Variants in ZEB2 observed in about 807,000 individuals in gnomAD.
The protein encoded by ZEB2 is zinc finger E-box binding homeobox 2.
Under a neutral mutation model 99.9 loss-of-function variants are expected in ZEB2, and 6 were observed. That is an observed-to-expected ratio of 0.06 (90% CI 0.03 to 0.12). The LOEUF is 0.12. ZEB2 is among the 10% of genes least tolerant of loss of function. The probability of loss-of-function intolerance (pLI) is 1.00; values close to 1 mark genes in which losing one functional copy is unlikely to be tolerated. For synonymous variants in ZEB2, 517 were observed against 542.5 expected (o/e 0.95, Z 0.65); for missense variants, 969 against 1,502.8 (o/e 0.64, Z 5.87).
chr2:144,501,763 A>G (rs1343789445), intron 2 of ZEB2, among the ~76,000 whole-genome samples: 1 of 152,222 alleles, frequency 6.6e-6, no homozygotes, highest in Non-Finnish European at 1.5e-5. Context: ...CTATTAATAT[A>G]TTAAAAGCTC....
intron 2 of ZEB2, among the ~76,000 whole-genome samples, chr2:144,490,252 A>G (rs1704657466): frequency 6.6e-6 from 1 of 152,238 alleles, no homozygotes; most frequent in African/African-American, 2.4e-5. Flanking sequence ...GCTAAGCCAC[A>G]GTTTCCTGAT....
intron 2 of ZEB2, among the ~76,000 whole-genome samples, chr2:144,491,459 AT>A (rs758897683): frequency 3.3e-5 from 5 of 152,080 alleles, no homozygotes; most frequent in Non-Finnish European, 7.3e-5. Context: ...GATTATAAAT[AT>A]ATCTTTTCTG....
chr2:144,404,110 C>A lies in ZEB2; in HGVS notation c.613G>T (p.Asp205Tyr), dbSNP rs1437854221. Residue 205 changes from aspartate to tyrosine, a missense_variant, in exon 6 of 10, where the codon GAT becomes TAT. Physicochemically the swap from Asp to Tyr is radical, Grantham distance 160. This residue lies in a region of ZEB2 where 65 missense variants were observed against 147.7 expected (regional missense o/e 0.44). Coordinates refer to ENST00000627532, the MANE Select transcript of ZEB2 (RefSeq NM_014795.4). Reference sequence around the variant, plus strand: ...CAGGTCAGCAGTTGGGCAAAAGCATCTGGAGTTCCAGGTGGCAGGTCTGTA... The same window carrying A: ...CAGGTCAGCAGTTGGGCAAAAGCATATGGAGTTCCAGGTGGCAGGTCTGTA... ...EENDLPPGTP[D>Y]AFAQLLTCPY... is the part of the protein sequence containing the mutation. 1 of 1,613,938 alleles carries A rather than the reference C, an allele frequency of 6.2e-7. No homozygotes were observed. Among genetic ancestry groups the A allele is most frequent in the Non-Finnish European group, 8.5e-7 (1 of 1,180,032 alleles).
chr2:144,454,753 C>G (rs547955808), intron 2 of ZEB2, among the ~76,000 whole-genome samples: 2 of 152,248 alleles, frequency 1.3e-5, no homozygotes, highest in Admixed American at 6.5e-5. Context: ...AGCTTCAACC[C>G]TGCTCAGAAT....
intron 3 of ZEB2, 30 bp downstream of exon 3, chr2:144,429,739 G>A (rs766110025): frequency 2.5e-6 from 4 of 1,613,688 alleles, no homozygotes; most frequent in Admixed American, 3.3e-5. Flanking sequence ...AGATGGTACA[G>A]GAAGAGGCCA....
At chr2:144,408,794 T>G (rs1176194980) in intron 4 of ZEB2, among the ~76,000 whole-genome samples, 2 of 152,222 alleles carry the variant, frequency 1.3e-5, no homozygotes, top group Non-Finnish European at 2.9e-5. Flanking sequence ...ACAATTGATC[T>G]CTGTTGCTCA....
chr2:144,520,071 A>T lies in ZEB2; in HGVS notation c.-202T>A, dbSNP rs951548954. The T allele has an allele frequency of 8.8e-6, 4 of 454,436 alleles. No individual in the cohort carries two copies. The highest frequency in any genetic ancestry group is 1.8e-5 in the Non-Finnish European group (4 of 226,814). The allele number at this position is 454,436 out of a possible 1,614,324, so 28.2% of individuals were successfully genotyped here. A position where few individuals can be genotyped will look rare whatever the true frequency, so the allele number is the denominator to read the frequency against. Reference sequence around the variant, plus strand: ...GAGCAAACTGTACAAAAACCTCGCCAAGAGTGTCGGGAGGCAGGACCGTTA... The same window carrying T: ...GAGCAAACTGTACAAAAACCTCGCCTAGAGTGTCGGGAGGCAGGACCGTTA... On this transcript the variant is annotated 5_prime_UTR_variant, in exon 1 of 10. Transcript: ENST00000627532.
intron 2 of ZEB2, among the ~76,000 whole-genome samples, chr2:144,491,957 TCAAA>T (rs1704687066): frequency 1.3e-5 from 2 of 152,210 alleles, no homozygotes; most frequent in South Asian, 4.1e-4. Context: ...TTAAGCAGAA[TCAAA>T]CAAAGTGTTT....
intron 2 of ZEB2, chr2:144,464,202 T>C (rs1329433649): frequency 1.3e-5 from 2 of 152,188 alleles, no homozygotes; most frequent in Non-Finnish European, 2.9e-5. Context: ...GATATTGTCT[T>C]GTTGGTATTC....
At chr2:144,469,434 G>T (rs1222752592) in intron 2 of ZEB2, among the ~76,000 whole-genome samples, 3 of 152,192 alleles carry the variant, frequency 2.0e-5, no homozygotes, top group Middle Eastern at 3.4e-3. Flanking sequence ...ACTGAGCATT[G>T]CACACACTGA....
intron 4 of ZEB2, among the ~76,000 whole-genome samples, chr2:144,418,232 A>G (rs572939802): frequency 6.6e-6 from 1 of 152,358 alleles, no homozygotes; most frequent in East Asian, 1.9e-4. Flanking sequence ...AGTTTTCCAG[A>G]ATGTCAAAAG....
chr2:144,443,140 G>C (rs903431270), intron 2 of ZEB2, among the ~76,000 whole-genome samples: 1 of 152,012 alleles, frequency 6.6e-6, no homozygotes, highest in East Asian at 1.9e-4. Context: ...TCAAAAAATA[G>C]ATCATTGAAA....
At chr2:144,409,111 C>T (rs552824235) in intron 4 of ZEB2, among the ~76,000 whole-genome samples, 9 of 152,212 alleles carry the variant, frequency 5.9e-5, no homozygotes, top group African/African-American at 2.2e-4. Context: ...TTCCTGAGGC[C>T]GAGGTGCACC....
chr2:144,398,201 C>T, intron 8 of ZEB2, 100 bp downstream of exon 8: 1 of 1,484,124 alleles, frequency 6.7e-7, no homozygotes, highest in Non-Finnish European at 9.1e-7. Context: ...TCTTCTGTTT[C>T]TGCTGAGTTT....
chr2:144,512,845 G>T (rs1247994066), intron 2 of ZEB2: 1 of 1,287,222 alleles, frequency 7.8e-7, no homozygotes, highest in African/African-American at 1.5e-5. Context: ...AGAGAAAAAA[G>T]GATGGAGATG....
chr2:144,448,970 T>C (rs1704020787), intron 2 of ZEB2: 1 of 152,228 alleles, frequency 6.6e-6, no homozygotes, highest in South Asian at 2.1e-4. Flanking sequence ...TATGTCGTAC[T>C]TAGGTACTTA....
intron 2 of ZEB2, among the ~76,000 whole-genome samples, chr2:144,493,138 T>G (rs918947374): frequency 6.6e-6 from 1 of 152,216 alleles, no homozygotes; most frequent in African/African-American, 2.4e-5. Flanking sequence ...TTCTTCTTTT[T>G]TTAAGTACTC....
intron 4 of ZEB2, among the ~76,000 whole-genome samples, chr2:144,408,280 T>C (rs1470125899): frequency 6.6e-6 from 1 of 152,236 alleles, no homozygotes; most frequent in African/African-American, 2.4e-5. Flanking sequence ...TTAACACTAA[T>C]CTTGGTGTAG....
chr2:144,396,895 C>T (rs903616844), intron 8 of ZEB2, among the ~76,000 whole-genome samples: 1 of 152,206 alleles, frequency 6.6e-6, no homozygotes, highest in East Asian at 1.9e-4. Context: ...TTCCTTTATA[C>T]CAAGAAATAC....
Sources: allele counts gnomAD v4.1 joint callset (sites outside exome capture counted in the v4.1 genomes callset), GRCh38; gene constraint gnomAD v4.1.1; regional missense constraint gnomAD v4.1.1; transcripts MANE v1.5; gene names NCBI Gene and HGNC (gene_info 2026-07-23, HGNC 2026-07-21).